The following SSH1 variants were observed in gnomAD, a reference collection of about 807,000 sequenced individuals.
The protein encoded by SSH1 is protein phosphatase Slingshot homolog 1.
In SSH1, 43 loss-of-function variants were observed where a neutral mutation model predicts 79.7. The ratio of observed to expected loss-of-function variants is 0.54; its 90% CI spans 0.42 to 0.70. SSH1 has a LOEUF of 0.70. Among genes scored for constraint, SSH1 ranks in the 30% least tolerant of loss-of-function variants. The probability of loss-of-function intolerance (pLI) is 0.00; values close to 1 mark genes in which losing one functional copy is unlikely to be tolerated. For missense variants in SSH1, 1,206 were observed against 1,358.8 expected (o/e 0.89, Z 1.77); for synonymous variants, 599 against 538.3 (o/e 1.11, Z -1.56).
intron 6 of SSH1, among the ~76,000 whole-genome samples, chr12:108,810,175 T>TA (rs2037507648): frequency 6.6e-6 from 1 of 151,520 alleles, no homozygotes; most frequent in South Asian, 2.1e-4. Context: ...TAAAAATATC[T>TA]ATTAATACAT....
At chr12:108,813,726 A>G (rs2037739095) in intron 5 of SSH1, among the ~76,000 whole-genome samples, 1 of 141,278 alleles carries the variant, frequency 7.1e-6, no homozygotes, top group Non-Finnish European at 1.5e-5. Context: ...AAAAAAAAAA[A>G]AAAAAGGAAG....
chr12:108,842,116 A>T (rs1485718762), intron 2 of SSH1, among the ~76,000 whole-genome samples: 1 of 152,184 alleles, frequency 6.6e-6, no homozygotes, highest in Admixed American at 6.5e-5. Context: ...GCAACAGAGC[A>T]AGACTCTGTC....
At chr12:108,818,185 A>G in intron 4 of SSH1, 64 bp downstream of exon 4, 1 of 1,288,368 alleles carries the variant, frequency 7.8e-7, no homozygotes, top group Non-Finnish European at 1.1e-6. Context: ...GCAACAGAGC[A>G]AGACCCTCAT....
At chr12:108,798,039 T>C (rs2036826739) in intron 13 of SSH1, among the ~76,000 whole-genome samples, 1 of 152,176 alleles carries the variant, frequency 6.6e-6, no homozygotes, top group Non-Finnish European at 1.5e-5. Context: ...CACCCACACC[T>C]GGATGCTGCC....
intron 2 of SSH1, among the ~76,000 whole-genome samples, chr12:108,827,805 C>T (rs1356368779): frequency 2.0e-5 from 3 of 152,204 alleles, no homozygotes; most frequent in Non-Finnish European, 4.4e-5. Context: ...CCAACGGTGA[C>T]GGTGACGTGG....
At chr12:108,838,288 G>C (rs1039728770) in intron 2 of SSH1, among the ~76,000 whole-genome samples, 1 of 152,114 alleles carries the variant, frequency 6.6e-6, no homozygotes, top group Non-Finnish European at 1.5e-5. Context: ...AGCACTGTTT[G>C]CCCTCTTCGT....
At chr12:108,851,772 T>C (rs376967718) in intron 2 of SSH1, among the ~76,000 whole-genome samples, 12 of 152,172 alleles carry the variant, frequency 7.9e-5, no homozygotes, top group African/African-American at 2.7e-4. Flanking sequence ...CTTTAGGGGG[T>C]TGAGTATCTG....
intron 5 of SSH1, among the ~76,000 whole-genome samples, chr12:108,814,593 A>G (rs1565994919): frequency 6.6e-6 from 1 of 152,098 alleles, no homozygotes; most frequent in South Asian, 2.1e-4. Context: ...AGCGACAGGA[A>G]AGACTGCTTA....
intron 14 of SSH1, among the ~76,000 whole-genome samples, 187 bp from the exon 15 acceptor site, chr12:108,789,431 G>A (rs746591274): frequency 6.6e-6 from 1 of 152,106 alleles, no homozygotes; most frequent in Non-Finnish European, 1.5e-5. Context: ...ATAACCACTG[G>A]CCTGAGGTGG....
At chr12:108,852,175 TA>T (rs1172023143) in intron 2 of SSH1, among the ~76,000 whole-genome samples, 3 of 152,304 alleles carry the variant, frequency 2.0e-5, no homozygotes, top group South Asian at 4.1e-4. Context: ...GTATGGATTT[TA>T]AAGCACTTCA....
intron 10 of SSH1, among the ~76,000 whole-genome samples, chr12:108,803,444 T>A (rs1430438787): frequency 2.6e-5 from 4 of 151,366 alleles, no homozygotes; most frequent in African/African-American, 9.7e-5. Context: ...AGCAAAAGAA[T>A]CCACCTTTGT....
intron 1 of SSH1, among the ~76,000 whole-genome samples, chr12:108,855,850 A>ATGGCC (rs1417787598): frequency 6.6e-6 from 1 of 152,284 alleles, no homozygotes; most frequent in African/African-American, 2.4e-5. Context: ...TAACTCATGA[A>ATGGCC]TGGCCTCTCC....
chr12:108,787,820 T>G lies in SSH1; in HGVS notation c.*168A>C. The G allele has an allele frequency of 4.8e-5, 39 of 811,300 alleles. No individual in the cohort carries two copies. The highest frequency in any genetic ancestry group is 3.6e-4 in the Middle Eastern group (1 of 2,766). The allele number at this position is 811,300 out of a possible 1,614,324, so 50.3% of individuals were successfully genotyped here. On this transcript the variant is annotated 3_prime_UTR_variant, in exon 15 of 15. Coordinates refer to ENST00000326495, the MANE Select transcript of SSH1 (RefSeq NM_018984.4). ...ACAGCTCCCCTTCTTGTGCTGCATG[T>G]TGGTTAGTTTCTTCTCCTCCTCTCT...
At chr12:108,801,060 G>T in intron 11 of SSH1, 134 bp from the exon 12 acceptor site, 1 of 871,180 alleles carries the variant, frequency 1.1e-6, no homozygotes, top group Non-Finnish European at 1.8e-6. Flanking sequence ...GCGGGACTTT[G>T]GTTTTTCCTT....
At chr12:108,825,503 T>TG (rs1256836454) in intron 2 of SSH1, among the ~76,000 whole-genome samples, 4 of 152,250 alleles carry the variant, frequency 2.6e-5, no homozygotes, top group African/African-American at 9.6e-5. Flanking sequence ...TAAATGCTCA[T>TG]GCTAAAAATA....
At position 108,807,878 on chromosome 12, in the gene SSH1, G is replaced by A. The variant is rs748968471; in HGVS notation, c.537-51C>T. 10 of 1,562,016 alleles carry A rather than the reference G, an allele frequency of 6.4e-6. No individual in the cohort carries two copies. The highest frequency in any genetic ancestry group is 7.9e-6 in the Non-Finnish European group (9 of 1,135,616). Reference sequence around the variant, plus strand: ...GGCCTGGGAAGGCACAAGAGATGCAGGGTTTTCTCCTCTGACAAAGGGGTT... The same window carrying A: ...GGCCTGGGAAGGCACAAGAGATGCAAGGTTTTCTCCTCTGACAAAGGGGTT... On this transcript the variant is annotated intron_variant, in intron 7 of 14. Transcript: ENST00000326495. The surrounding 1 kb of genome is among the most constrained non-coding windows in gnomAD (Gnocchi z 5.2).
chr12:108,838,138 C>T (rs368723381), intron 2 of SSH1, among the ~76,000 whole-genome samples: 1 of 152,140 alleles, frequency 6.6e-6, no homozygotes, highest in African/African-American at 2.4e-5. Context: ...TGGTAAAACA[C>T]GACCTGTAAT....
intron 2 of SSH1, among the ~76,000 whole-genome samples, chr12:108,843,534 GTTGT>G (rs1311014367): frequency 1.3e-5 from 2 of 151,974 alleles, no homozygotes; most frequent in Admixed American, 1.3e-4. Flanking sequence ...GTTTGTTGTT[GTTGT>G]TTGTTTGTTG....
chr12:108,794,506 C>A (rs938360876), intron 13 of SSH1, among the ~76,000 whole-genome samples: 4 of 152,186 alleles, frequency 2.6e-5, no homozygotes, highest in African/African-American at 9.6e-5. Context: ...ATAACCTGTA[C>A]AGAAATTTTT....
Sources: gnomAD v4.1 joint callset for allele counts (sites outside exome capture counted in the v4.1 genomes callset) on GRCh38, gnomAD v4.1.1 for gene constraint, Gnocchi (gnomAD v3.1) non-coding constraint, MANE v1.5 for transcripts, NCBI Gene and HGNC (gene_info 2026-07-23, HGNC 2026-07-21) for gene names.